Variants in SLC35F5 observed in about 807,000 individuals in gnomAD.
SLC35F5 encodes solute carrier family 35 member F5, also known as HCV NS5A-transactivated protein 3.
Under a neutral mutation model 68.6 loss-of-function variants are expected in SLC35F5, and 54 were observed. That is an observed-to-expected ratio of 0.79 (90% confidence interval 0.63 to 0.99). The LOEUF is 0.99. Ranked by LOEUF, SLC35F5 falls within the 50% of genes least tolerant of loss-of-function variation. The pLI, the probability that SLC35F5 is intolerant of heterozygous loss-of-function variation, is 0.00. For synonymous variants in SLC35F5, 211 were observed against 205.2 expected (o/e 1.03, Z -0.24); for missense variants, 567 against 626.9 (o/e 0.90, Z 1.02).
intron 7 of SLC35F5, chr2:113,741,939 G>A (rs1676292710): frequency 6.6e-6 from 1 of 152,060 alleles, no homozygotes; most frequent in Non-Finnish European, 1.5e-5. Flanking sequence ...GCATTTCATT[G>A]TTTAGGGGTT....
chr2:113,756,054 A>G, intron 1 of SLC35F5: 1 of 1,464,928 alleles, frequency 6.8e-7, no homozygotes, highest in Non-Finnish European at 9.0e-7. Context: ...CACCTCTATC[A>G]AAACATCCAG....
Position 113,734,576 on chromosome 2 carries a change from A to G in SLC35F5, c.920+10T>C. On this transcript the variant is annotated intron_variant, in intron 9 of 15. Transcript: ENST00000245680. Reference sequence around the variant, plus strand: ...AGCAGAGCAAACTAGCTATCACACTATATGCTTACCTTAAAATTACAGCTA... The same window carrying G: ...AGCAGAGCAAACTAGCTATCACACTGTATGCTTACCTTAAAATTACAGCTA... 1.4e-6 allele frequency: 2 copies of G among 1,475,596 alleles called. No individual in the cohort carries two copies. The highest frequency in any genetic ancestry group is 1.9e-6 in the Non-Finnish European group (2 of 1,061,894). The allele number at this position is 1,475,596 out of a possible 1,614,324, so 91.4% of individuals were successfully genotyped here.
In SLC35F5 at chr2:113,723,212, T is replaced by C. The variant is rs1317217643; in HGVS notation, c.1251-18A>G. On this transcript the variant is annotated intron_variant, in intron 12 of 15. Coordinates refer to ENST00000245680, the MANE Select transcript of SLC35F5 (RefSeq NM_025181.5). Reference sequence around the variant, plus strand: ...AGCAGCCCCTAAAAAAAAGAAAATATACATTTCTATATTTAAAAAATTAAA... The same window carrying C: ...AGCAGCCCCTAAAAAAAAGAAAATACACATTTCTATATTTAAAAAATTAAA... The C allele has an allele frequency of 1.2e-5, 19 of 1,528,450 alleles. No individual in the cohort carries two copies. The highest frequency in any genetic ancestry group is 1.7e-5 in the Non-Finnish European group (19 of 1,136,286). The allele number at this position is 1,528,450 out of a possible 1,614,324, so 94.7% of individuals were successfully genotyped here. A position where few individuals can be genotyped will look rare whatever the true frequency, so the allele number is the denominator to read the frequency against.
At chr2:113,727,349 T>C (rs1687702033) in intron 11 of SLC35F5, among the ~76,000 whole-genome samples, 2 of 152,238 alleles carry the variant, frequency 1.3e-5, no homozygotes, top group Admixed American at 1.3e-4. Flanking sequence ...CTTACATCTA[T>C]TGATTAAAAA....
rs1687874570 is a variant in SLC35F5 at position 113,731,265 on chromosome 2, T to TTATAAATTG, written c.985+318_985+319insCAATTTATA. On this transcript the variant is annotated intron_variant, in intron 10 of 15. Transcript: ENST00000245680. ...ATTAAATGCAATAAATGATCCTAGATCAGAAAAAGAACATTAGTGGAAAAA... is the reference window on the plus strand; with the variant it reads ...ATTAAATGCAATAAATGATCCTAGATTATAAATTGCAGAAAAAGAACATTAGTGGAAAAA... Among the ~76,000 whole-genome samples the TTATAAATTG allele has an allele frequency of 2.0e-5, 3 of 152,090 alleles. No homozygotes were observed. In the South Asian group the frequency reaches 6.2e-4, roughly 32 times the overall value.
chr2:113,750,871 G>A (rs970486249), intron 3 of SLC35F5, among the ~76,000 whole-genome samples: 10 of 152,346 alleles, frequency 6.6e-5, no homozygotes, highest in South Asian at 6.2e-4. Flanking sequence ...AGGGCCAGGC[G>A]CGGAGGCCCA....
chr2:113,703,162 T>TTCTCTC (rs142671681), downstream of SLC35F5, among the ~76,000 whole-genome samples: 10 of 147,226 alleles, frequency 6.8e-5, no homozygotes, highest in Admixed American at 1.4e-4. Context: ...ATGAATCTCT[T>TTCTCTC]TCTCTCTCTC....
Position 113,719,320 on chromosome 2 carries a change from A to G in SLC35F5, c.1342-12T>C. On this transcript the variant is annotated splice_polypyrimidine_tract_variant and intron_variant, in intron 13 of 15. Transcript: ENST00000245680. Reference sequence around the variant, plus strand: ...CAAGAAAACTGCACCTAAAAATAAAAGATAGAGGAAAAAACACACCCACAA... The same window carrying G: ...CAAGAAAACTGCACCTAAAAATAAAGGATAGAGGAAAAAACACACCCACAA... 2 of 1,545,268 alleles carry G rather than the reference A, an allele frequency of 1.3e-6. No individual in the cohort carries two copies. Among genetic ancestry groups the G allele is most frequent in the Non-Finnish European group, 1.7e-6 (2 of 1,162,024 alleles).
In SLC35F5 at chr2:113,756,590, G is replaced by A. The variant is rs1001194915; in HGVS notation, c.-181C>T. 6.3e-6 allele frequency: 9 copies of A among 1,419,274 alleles called. No individual in the cohort carries two copies. Among genetic ancestry groups the A allele is most frequent in the African/African-American group, 1.5e-5 (1 of 67,606 alleles). 87.9% of individuals were successfully genotyped at this position (1,419,274 alleles called of 1,614,324 possible). Reference sequence around the variant, plus strand: ...ACTCGGCCCAGGAGGGCGTGGAGCGGGTGAGGGGAAGGGACGGCACAGTCA... The same window carrying A: ...ACTCGGCCCAGGAGGGCGTGGAGCGAGTGAGGGGAAGGGACGGCACAGTCA... On this transcript the variant is annotated 5_prime_UTR_variant, in exon 1 of 16. Transcript: ENST00000245680.
intron 11 of SLC35F5, among the ~76,000 whole-genome samples, chr2:113,727,613 C>T (rs923694849): frequency 3.9e-5 from 6 of 152,142 alleles, no homozygotes; most frequent in African/African-American, 1.4e-4. Context: ...TGTTCTTCTT[C>T]CACAAAGCGA....
At chr2:113,735,080 G>C (rs1688033681) in intron 8 of SLC35F5, among the ~76,000 whole-genome samples, 2 of 152,026 alleles carry the variant, frequency 1.3e-5, no homozygotes, top group Admixed American at 6.6e-5. Context: ...ACCTATCATA[G>C]GGCAAATTAT....
chr2:113,723,131 G>A lies in SLC35F5; in HGVS notation c.1314C>T (p.Ser438=). 6.3e-7 allele frequency: 1 copy of A among 1,580,882 alleles called. No individual in the cohort carries two copies. Among genetic ancestry groups the A allele is most frequent in the Non-Finnish European group, 8.6e-7 (1 of 1,163,498 alleles). Residue 438 remains serine (S), a synonymous_variant, in exon 13 of 16, where the codon TCC becomes TCT. Coordinates refer to ENST00000245680, the MANE Select transcript of SLC35F5 (RefSeq NM_025181.5). ...TTTGCATACACATGTCAGCTATTAT[G>A]GACAGAGGTATTGTAAGGCTTAGTG... ...TLALSLTIPL[S]IIADMCMQKV...
At chr2:113,738,659 G>GGA in intron 7 of SLC35F5, among the ~76,000 whole-genome samples, 1 of 132,528 alleles carries the variant, frequency 7.5e-6, no homozygotes, top group Non-Finnish European at 1.6e-5. Context: ...ACATTTTACA[G>GGA]AAAAAAAAAA....
Position 113,756,127 on chromosome 2 carries a change from T to C in SLC35F5, c.40+243A>G, listed in dbSNP as rs1000641897. 1.3e-4 allele frequency: 191 copies of C among 1,445,764 alleles called. No homozygotes were observed. In the Middle Eastern group the frequency reaches 1.5e-3, roughly 11 times the overall value. 89.6% of individuals were successfully genotyped at this position (1,445,764 alleles called of 1,614,324 possible). A position where few individuals can be genotyped will look rare whatever the true frequency, so the allele number is the denominator to read the frequency against. On this transcript the variant is annotated intron_variant, in intron 1 of 15. Transcript: ENST00000245680. ...TTCTGTTTTGGAGCGGGGAAGACAGTTAAGGCAGCGACGCCTCCCCGGGGA... is the reference window on the plus strand; with the variant it reads ...TTCTGTTTTGGAGCGGGGAAGACAGCTAAGGCAGCGACGCCTCCCCGGGGA...
chr2:113,752,436 A>G (rs1676782119), intron 3 of SLC35F5, among the ~76,000 whole-genome samples: 1 of 152,214 alleles, frequency 6.6e-6, no homozygotes, highest in Admixed American at 6.5e-5. Context: ...TGAGACTTGC[A>G]GTCATTATGT....
At chr2:113,723,911 T>A (rs762006471) in intron 12 of SLC35F5, among the ~76,000 whole-genome samples, 1 of 152,188 alleles carries the variant, frequency 6.6e-6, no homozygotes, top group East Asian at 1.9e-4. Context: ...TTATAAAGAC[T>A]GATAATTTGG....
In SLC35F5 at chr2:113,751,726, C is replaced by T. The variant is rs560713617; in HGVS notation, c.274-1158G>A. ...TCTGGAGGCTGAGGCAGGAGAATCACTTGAACCCAGGAGTCAGAGGTTATA... is the reference window on the plus strand; with the variant it reads ...TCTGGAGGCTGAGGCAGGAGAATCATTTGAACCCAGGAGTCAGAGGTTATA... On this transcript the variant is annotated intron_variant, in intron 3 of 15. Transcript: ENST00000245680. 2.0e-5 allele frequency among the ~76,000 whole-genome samples: 3 copies of T among 152,298 alleles called. No individual in the cohort carries two copies. The South Asian group carries it at 6.2e-4, about 32-fold the overall frequency.
chr2:113,723,376 T>C (rs1250174747), intron 12 of SLC35F5, among the ~76,000 whole-genome samples, 182 bp from the exon 13 acceptor site: 1 of 151,990 alleles, frequency 6.6e-6, no homozygotes, highest in East Asian at 1.9e-4. Context: ...TTTCTTCAAA[T>C]ATTAAAAATA....
In SLC35F5 at chr2:113,719,138, T is replaced by C; in HGVS notation, c.1496+16A>G. On this transcript the variant is annotated intron_variant, in intron 14 of 15. Transcript: ENST00000245680. ...CAAACACTATTTTTAAAAATGTGTATTGGGACTAAACTTACCTCTGAATTC... is the reference window on the plus strand; with the variant it reads ...CAAACACTATTTTTAAAAATGTGTACTGGGACTAAACTTACCTCTGAATTC... 2 of 1,597,142 alleles carry C rather than the reference T, an allele frequency of 1.3e-6. No individual in the cohort carries two copies. Among genetic ancestry groups the C allele is most frequent in the South Asian group, 1.1e-5 (1 of 87,210 alleles).
Sources: allele counts gnomAD v4.1 joint callset (sites outside exome capture counted in the v4.1 genomes callset), GRCh38; gene constraint gnomAD v4.1.1; transcripts MANE v1.5; gene names NCBI Gene and HGNC (gene_info 2026-07-23, HGNC 2026-07-21).